Variants in AFF2 observed in about 807,000 individuals in gnomAD.
AFF2 encodes the protein ALF transcription elongation factor 2, also known as AF4/FMR2 family member 2.
In AFF2, 14 loss-of-function variants were observed where a neutral mutation model predicts 76.9. The ratio of observed to expected loss-of-function variants is 0.18; its 90% CI spans 0.12 to 0.28. The LOEUF (loss-of-function observed/expected upper bound fraction) is 0.28. Ranked by LOEUF, AFF2 falls within the 10% of genes least tolerant of loss-of-function variation. The pLI is 1.00. For missense variants in AFF2, 868 were observed against 1,001.1 expected, an observed-to-expected ratio of 0.87 and a Z score of 1.79; for synonymous variants, 398 against 366.7, an observed-to-expected ratio of 1.09 and a Z score of -0.98.
chrX:148,533,924 C>A (rs1483207545), intron 1 of AFF2, among the ~76,000 whole-genome samples: 1 of 111,694 alleles, frequency 9.0e-6, no homozygotes, highest in African/African-American at 3.3e-5. Context: ...AATGTTAAAT[C>A]TCTTAATGGA....
At chrX:148,706,996 G>A (rs1557262451) in intron 3 of AFF2, among the ~76,000 whole-genome samples, 1 of 112,009 alleles carries the variant, frequency 8.9e-6, no homozygotes, top group Non-Finnish European at 1.9e-5. Context: ...GCTTATCAGA[G>A]TCTCTTGTAC....
At chrX:148,967,754 A>C in intron 15 of AFF2, 62 bp downstream of exon 15, 1 of 1,092,749 alleles carries the variant, frequency 9.2e-7, no homozygotes, top group Non-Finnish European at 1.3e-6. Flanking sequence ...AAGGAAAACA[A>C]AGAAAGCACT....
Position 148,662,213 on chromosome X carries a change from T to C in AFF2, c.486T>C (p.Asp162=), listed in dbSNP as rs781972600. ...NRKSKPEWSR[D]SHNPSTVLAS... ...AATCAAAACCTGAGTGGTCACGTGA[T>C]AGTCATAACCCTAGCACTGTACTGG... Residue 162 remains aspartate, a synonymous_variant, in exon 3 of 21, where the codon GAT becomes GAC. Transcript: ENST00000370460. 3 of 1,209,481 alleles carry C rather than the reference T, an allele frequency of 2.5e-6. No homozygotes were observed. Among genetic ancestry groups the C allele is most frequent in the African/African-American group, 1.7e-5 (1 of 57,160 alleles).
intron 3 of AFF2, among the ~76,000 whole-genome samples, chrX:148,743,502 G>A (rs1009956303): frequency 6.3e-5 from 7 of 111,969 alleles, no homozygotes; most frequent in Admixed American, 1.9e-4. Flanking sequence ...CAATGAAAAT[G>A]AACATTCGGT....
intron 8 of AFF2, among the ~76,000 whole-genome samples, chrX:148,896,579 G>A (rs1386292499): frequency 9.0e-6 from 1 of 111,402 alleles, no homozygotes; most frequent in African/African-American, 3.3e-5. Flanking sequence ...TTGGAGAGAG[G>A]TTTGCATGTG....
intron 3 of AFF2, among the ~76,000 whole-genome samples, chrX:148,770,058 C>T (rs782283973): frequency 7.2e-5 from 8 of 111,335 alleles, no homozygotes; most frequent in South Asian, 3.8e-4. Flanking sequence ...CTACTATATG[C>T]GAGTACTGTG....
At chrX:148,659,372 C>G (rs1474488471) in intron 2 of AFF2, among the ~76,000 whole-genome samples, 1 of 112,248 alleles carries the variant, frequency 8.9e-6, no homozygotes, top group East Asian at 2.8e-4. Flanking sequence ...TGAGCTTTCA[C>G]ATTCTTGAGT....
intron 7 of AFF2, among the ~76,000 whole-genome samples, chrX:148,876,865 G>T (rs144673232): frequency 0.012 from 1,368 of 111,513 alleles, 25 homozygotes; most frequent in African/African-American, 0.042. Flanking sequence ...ATTGTGAGAT[G>T]TACTTTAAGG....
intron 1 of AFF2, among the ~76,000 whole-genome samples, chrX:148,615,360 A>G (rs1557250179): frequency 8.9e-6 from 1 of 112,187 alleles, no homozygotes; most frequent in African/African-American, 3.2e-5. Flanking sequence ...AAGAGATCGA[A>G]TGGAATTTTA....
intron 3 of AFF2, among the ~76,000 whole-genome samples, chrX:148,674,690 C>T (rs1465988247): frequency 1.8e-5 from 2 of 111,868 alleles, no homozygotes; most frequent in Admixed American, 1.9e-4. Flanking sequence ...CGCAGGAAAC[C>T]ATTTGCATAC....
At chrX:148,982,640 A>T (rs2072409624) in intron 19 of AFF2, among the ~76,000 whole-genome samples, 2 of 112,163 alleles carry the variant, frequency 1.8e-5, no homozygotes, top group Admixed American at 9.4e-5. Flanking sequence ...TGGGGAAGTC[A>T]GCTGCCCAGA....
In AFF2 at chrX:148,620,113, C is replaced by T. The variant is rs149286845; in HGVS notation, c.48-31886C>T. 1.5e-3 allele frequency among the ~76,000 whole-genome samples: 168 copies of T among 111,302 alleles called. 3 individuals carry two copies. The East Asian group carries it at 0.041, about 27-fold the overall frequency. On this transcript the variant is annotated intron_variant, in intron 1 of 20. Transcript: ENST00000370460. ...ACTCCGGAGTTCAGTCTCAACAGAA[C>T]TGTCACCAGGACTAGAGTCACAGGT...
At chrX:148,934,526 T>C (rs1185144317) in intron 9 of AFF2, among the ~76,000 whole-genome samples, 1 of 112,496 alleles carries the variant, frequency 8.9e-6, no homozygotes, top group Non-Finnish European at 1.9e-5. Context: ...TAAATGATGA[T>C]GACAGATATC....
chrX:148,582,692 A>G (rs1557245262), intron 1 of AFF2, among the ~76,000 whole-genome samples: 1 of 112,134 alleles, frequency 8.9e-6, no homozygotes, highest in Admixed American at 9.5e-5. Context: ...TAGTTCTTTA[A>G]AATGTTAAAC....
At chrX:148,757,800 T>C (rs1345999485) in intron 3 of AFF2, among the ~76,000 whole-genome samples, 1 of 112,093 alleles carries the variant, frequency 8.9e-6, no homozygotes, top group African/African-American at 3.2e-5. Flanking sequence ...CTTATTTTTG[T>C]TCTTATGCTT....
chrX:148,617,730 T>C (rs1023570975), intron 1 of AFF2, among the ~76,000 whole-genome samples: 5 of 112,625 alleles, frequency 4.4e-5, no homozygotes, highest in Non-Finnish European at 9.4e-5. Flanking sequence ...ATCTTTCTTG[T>C]GTATACCTGT....
intron 3 of AFF2, among the ~76,000 whole-genome samples, chrX:148,782,805 G>A (rs782236181): frequency 9.0e-6 from 1 of 111,370 alleles, no homozygotes; most frequent in South Asian, 3.8e-4. Flanking sequence ...AAGAACTTGG[G>A]TAATGTTTCA....
intron 7 of AFF2, among the ~76,000 whole-genome samples, chrX:148,845,911 G>T (rs782482379): frequency 2.2e-4 from 25 of 111,916 alleles, no homozygotes; most frequent in Non-Finnish European, 4.3e-4. Flanking sequence ...CTTAATTACT[G>T]GGACACTTCA....
At chrX:148,732,137 C>T (rs1263913170) in intron 3 of AFF2, among the ~76,000 whole-genome samples, 11 of 85,858 alleles carry the variant, frequency 1.3e-4, no homozygotes, top group African/African-American at 2.6e-4. Flanking sequence ...ATGTTTACTG[C>T]GGCATTATTC....
Sources: gnomAD v4.1 joint callset for allele counts (sites outside exome capture counted in the v4.1 genomes callset) on GRCh38, gnomAD v4.1.1 for gene constraint, MANE v1.5 for transcripts, NCBI Gene and HGNC (gene_info 2026-07-23, HGNC 2026-07-21) for gene names.